ALPL: variants seen among roughly 807,000 people sequenced by gnomAD.
The protein encoded by ALPL is alkaline phosphatase, biomineralization associated.
Under a neutral mutation model 51.3 loss-of-function variants are expected in ALPL, and 42 were observed. The ratio of observed to expected loss-of-function variants is 0.82; its 90% CI spans 0.64 to 1.06. ALPL has a LOEUF of 1.06. Among genes scored for constraint, ALPL ranks in the 50% least tolerant of loss-of-function variants. The pLI, the probability that ALPL is intolerant of heterozygous loss-of-function variation, is 0.00. For missense variants in ALPL, 589 were observed against 709.4 expected, an observed-to-expected ratio of 0.83 and a Z score of 1.93; for synonymous variants, 279 against 296.4, an observed-to-expected ratio of 0.94 and a Z score of 0.60.
chr1:21,541,591 C>T (rs1644185553), intron 1 of ALPL, among the ~76,000 whole-genome samples: 1 of 152,234 alleles, frequency 6.6e-6, no homozygotes, highest in South Asian at 2.1e-4. Context: ...TAGGAGCTCA[C>T]CACGGTGAGA....
chr1:21,510,999 G>T (rs1418177778), intron 1 of ALPL, among the ~76,000 whole-genome samples: 2 of 152,194 alleles, frequency 1.3e-5, no homozygotes, highest in East Asian at 1.9e-4. Context: ...GTAAAAAGGG[G>T]TGTATTCCCC....
intron 4 of ALPL, among the ~76,000 whole-genome samples, chr1:21,562,580 G>A (rs1451634478): frequency 2.6e-5 from 4 of 152,088 alleles, no homozygotes; most frequent in African/African-American, 9.7e-5. Context: ...ATAGTTTTGG[G>A]GTCTCTGCTA....
At position 21,572,611 on chromosome 1, in the gene ALPL, G is replaced by A. The variant is rs1320638580; in HGVS notation, c.863-1054G>A. Among the ~76,000 whole-genome samples, 5 of 152,110 alleles carry A rather than the reference G, an allele frequency of 3.3e-5. No individual in the cohort carries two copies. In the East Asian group the frequency reaches 7.7e-4, roughly 23 times the overall value. On this transcript the variant is annotated intron_variant, in intron 8 of 11. Transcript: ENST00000374840. ...GCTGGCTTTTGCCTGCTTCCAAAGC[G>A]CTAACAGCATGTGGCACCAAGTGAA...
In ALPL at chr1:21,518,743, G is replaced by A. The variant is rs114063042; in HGVS notation, c.-105+9226G>A. Among the ~76,000 whole-genome samples, 1,369 of 152,230 alleles carry A rather than the reference G, an allele frequency of 9.0e-3. 25 individuals are homozygous for A. Among genetic ancestry groups the A allele is most frequent in the African/African-American group, 0.032 (1,311 of 41,528 alleles). ...GAATTTGGTTTGGGGAGAGGGCTCC[G>A]TAATAGGCCACTGAAGTCCCCCGTC... is the stretch of plus-strand genomic sequence containing the variant. On this transcript the variant is annotated intron_variant, in intron 1 of 11. Coordinates refer to ENST00000374840, the MANE Select transcript of ALPL (RefSeq NM_000478.6).
intron 1 of ALPL, among the ~76,000 whole-genome samples, chr1:21,546,067 G>C (rs1035765359): frequency 6.6e-6 from 1 of 152,108 alleles, no homozygotes; most frequent in Non-Finnish European, 1.5e-5. Context: ...ACCCACCTCA[G>C]CCTCCCAAAG....
intron 6 of ALPL, among the ~76,000 whole-genome samples, chr1:21,565,632 G>GGCCAC (rs1644553006): frequency 3.3e-5 from 5 of 151,944 alleles, no homozygotes; most frequent in Admixed American, 3.3e-4. Context: ...GGGCCGCAGG[G>GGCCAC]GCCACGTCAA....
chr1:21,565,848 GAGAA>G (rs150248069), intron 6 of ALPL, among the ~76,000 whole-genome samples: 49 of 151,238 alleles, frequency 3.2e-4, no homozygotes, highest in South Asian at 3.1e-3. Flanking sequence ...AAAGAAAGAA[GAGAA>G]AGAAAGAAAG....
chr1:21,534,592 G>A (rs1644073100), intron 1 of ALPL, among the ~76,000 whole-genome samples: 1 of 152,114 alleles, frequency 6.6e-6, no homozygotes, highest in Non-Finnish European at 1.5e-5. Flanking sequence ...GGCAGCTCTG[G>A]GGCTGAACTC....
chr1:21,524,392 G>A (rs1643915690), intron 1 of ALPL, among the ~76,000 whole-genome samples: 1 of 152,176 alleles, frequency 6.6e-6, no homozygotes. Context: ...GACTGAGGCA[G>A]GAGGATTGCT....
chr1:21,548,867 G>A (rs1033863535), intron 1 of ALPL, among the ~76,000 whole-genome samples: 4 of 152,112 alleles, frequency 2.6e-5, no homozygotes, highest in African/African-American at 7.2e-5. Context: ...CATTCTGTCC[G>A]TGGGGGTGGT....
intron 1 of ALPL, among the ~76,000 whole-genome samples, chr1:21,519,642 C>G (rs1643864109): frequency 1.3e-5 from 2 of 152,158 alleles, no homozygotes. Context: ...ACTAAGAATA[C>G]AAAAACTAGC....
In ALPL at chr1:21,577,637, G is replaced by T. The variant is rs372315234; in HGVS notation, c.1564G>T (p.Val522Phe). The change falls in exon 12 of 12, where the codon GTC becomes TTC. Residue 522 changes from valine (V) to phenylalanine (F), a missense_variant. Val to Phe is a conservative substitution (Grantham distance 50). Transcript: ENST00000374840. ...LLALALYPLS[V>F]LF ...CGCGCTGGCCCTCTACCCCCTGAGC[G>T]TCCTGTTCTGAGGGCCCAGGGCCCG... 6.3e-7 allele frequency: 1 copy of T among 1,597,986 alleles called. No homozygotes were observed. The highest frequency in any genetic ancestry group is 8.5e-7 in the Non-Finnish European group (1 of 1,178,998).
chr1:21,525,278 G>A (rs746862873), intron 1 of ALPL, among the ~76,000 whole-genome samples: 8 of 152,236 alleles, frequency 5.3e-5, no homozygotes, highest in Non-Finnish European at 1.0e-4. Context: ...GGGCACTGAG[G>A]CAAGCCTGCC....
chr1:21,525,688 C>T (rs1226876461), intron 1 of ALPL, among the ~76,000 whole-genome samples: 1 of 151,822 alleles, frequency 6.6e-6, no homozygotes, highest in Non-Finnish European at 1.5e-5. Context: ...TGGATTTTGC[C>T]TTCAAAGAGT....
rs564736684 is a variant in ALPL, at chr1:21,510,998, GGT to G, written c.-105+1484_-105+1485del. Among the ~76,000 whole-genome samples the G allele has an allele frequency of 4.6e-5, 7 of 152,320 alleles. No homozygotes were observed. The East Asian group carries it at 1.3e-3, about 29-fold the overall frequency. ...GTCCATGTGCCCATTTGTAAAAAGG[GGT>G]GTATTCCCCTTTCGGGACTATTGTG... On this transcript the variant is annotated intron_variant, in intron 1 of 11. Coordinates refer to ENST00000374840, the MANE Select transcript of ALPL (RefSeq NM_000478.6).
intron 1 of ALPL, among the ~76,000 whole-genome samples, chr1:21,550,108 T>TG (rs1393418868): frequency 6.6e-6 from 1 of 152,094 alleles, no homozygotes; most frequent in African/African-American, 2.4e-5. Flanking sequence ...GGTTTAGGGA[T>TG]GGGGGGATTG....
intron 1 of ALPL, among the ~76,000 whole-genome samples, chr1:21,531,246 C>T (rs996173827): frequency 1.3e-4 from 20 of 152,094 alleles, no homozygotes; most frequent in African/African-American, 2.9e-4. Context: ...GTGTGAGCCA[C>T]GGCGCCCGGC....
chr1:21,565,753 C>A (rs963491812), intron 6 of ALPL, among the ~76,000 whole-genome samples: 1 of 151,668 alleles, frequency 6.6e-6, no homozygotes, highest in Non-Finnish European at 1.5e-5. Context: ...ACCACCCCCC[C>A]AAAAGCCTCC....
chr1:21,564,565 G>A lies in ALPL; in HGVS notation c.648+349G>A, dbSNP rs755679131. On this transcript the variant is annotated intron_variant, in intron 6 of 11. Transcript: ENST00000374840. This position sits in a 1 kb window ranked among gnomAD's most constrained non-coding sequence, Gnocchi z 5.8. ...GTCTGCCTGCCCTGCGTATTCACATGGTCACAGATGGGTACATATCTGTAC... is the reference window on the plus strand; with the variant it reads ...GTCTGCCTGCCCTGCGTATTCACATAGTCACAGATGGGTACATATCTGTAC... Among the ~76,000 whole-genome samples the A allele has an allele frequency of 6.6e-6, 1 of 152,206 alleles. No individual in the cohort carries two copies. Among genetic ancestry groups the A allele is most frequent in the Non-Finnish European group, 1.5e-5 (1 of 68,036 alleles).
Sources: allele counts gnomAD v4.1 joint callset (sites outside exome capture counted in the v4.1 genomes callset), GRCh38; gene constraint gnomAD v4.1.1; non-coding constraint Gnocchi (gnomAD v3.1); transcripts MANE v1.5; gene names NCBI Gene and HGNC (gene_info 2026-07-23, HGNC 2026-07-21).